The following KCNK12 variants were observed in gnomAD, a reference collection of about 807,000 sequenced individuals.
KCNK12 encodes the protein potassium two pore domain channel subfamily K member 12, also known as potassium channel subfamily K member 12.
Under a neutral mutation model 25.3 loss-of-function variants are expected in KCNK12, and 6 were observed. The observed-to-expected ratio is 0.24, with a 90% CI of 0.13 to 0.47. The LOEUF is 0.47. KCNK12 is among the 20% of genes least tolerant of loss of function. KCNK12 has a pLI of 0.99. For missense variants in KCNK12, 444 were observed against 661.7 expected, an observed-to-expected ratio of 0.67 and a Z score of 3.61; for synonymous variants, 331 against 311.1, an observed-to-expected ratio of 1.06 and a Z score of -0.67.
At chr2:47,542,542 C>A (rs1288157734) in intron 1 of KCNK12, among the ~76,000 whole-genome samples, 2 of 152,234 alleles carry the variant, frequency 1.3e-5, no homozygotes, top group African/African-American at 2.4e-5. Context: ...AGGGGAAGGT[C>A]TCTGGGGTGG....
At chr2:47,561,078 A>G (rs949967878) in intron 1 of KCNK12, among the ~76,000 whole-genome samples, 3 of 152,184 alleles carry the variant, frequency 2.0e-5, no homozygotes, top group Admixed American at 6.5e-5. Context: ...CCCACCTCAG[A>G]GAAGTGTGGC....
intron 1 of KCNK12, among the ~76,000 whole-genome samples, chr2:47,531,852 C>G (rs970891488): frequency 6.6e-6 from 1 of 152,164 alleles, no homozygotes; most frequent in Non-Finnish European, 1.5e-5. Context: ...GTGGGCCAAG[C>G]TGTCACTTCA....
intron 1 of KCNK12, chr2:47,527,913 T>C (rs1318953419): frequency 6.6e-6 from 1 of 152,274 alleles, no homozygotes; most frequent in Non-Finnish European, 1.5e-5. Flanking sequence ...ACCAGACAGA[T>C]GCAGTTCCTG....
At chr2:47,559,415 A>G (rs1272925678) in intron 1 of KCNK12, among the ~76,000 whole-genome samples, 1 of 152,018 alleles carries the variant, frequency 6.6e-6, no homozygotes, top group Non-Finnish European at 1.5e-5. Flanking sequence ...TTTTGTTGTT[A>G]ATTTCCAGCA....
At chr2:47,534,366 A>C (rs1352937105) in intron 1 of KCNK12, among the ~76,000 whole-genome samples, 1 of 151,800 alleles carries the variant, frequency 6.6e-6, no homozygotes, top group African/African-American at 2.4e-5. Context: ...TCTCCTGGGG[A>C]GCAGCTGTCA....
rs898457131 is a variant in KCNK12 at position 47,555,208 on chromosome 2, G to A, written c.391+14733C>T. 1.3e-5 allele frequency among the ~76,000 whole-genome samples: 2 copies of A among 152,346 alleles called. No homozygotes were observed. Among genetic ancestry groups the A allele is most frequent in the Middle Eastern group, 3.4e-3 (1 of 294 alleles). Reference sequence around the variant, plus strand: ...TCATCAATAGATAAATGGGTTTAAAGCCAAAGGGTGTGAGGGGGATCAGAG... The same window carrying A: ...TCATCAATAGATAAATGGGTTTAAAACCAAAGGGTGTGAGGGGGATCAGAG... On this transcript the variant is annotated intron_variant, in intron 1 of 1. Transcript: ENST00000327876. This position sits in a 1 kb window ranked among gnomAD's most constrained non-coding sequence, Gnocchi z 4.5.
chr2:47,540,339 T>A lies in KCNK12; in HGVS notation c.392-18531A>T, dbSNP rs1669170753. Among the ~76,000 whole-genome samples the A allele has an allele frequency of 6.6e-6, 1 of 152,196 alleles. No individual in the cohort carries two copies. Among genetic ancestry groups the A allele is most frequent in the Non-Finnish European group, 1.5e-5 (1 of 68,042 alleles). ...AGGTGTAGTCACTGTGCCAGGGGGC[T>A]GAGTGTCCGGCCTGGGACGTGAGAG... is the stretch of plus-strand genomic sequence containing the variant. On this transcript the variant is annotated intron_variant, in intron 1 of 1. Transcript: ENST00000327876. This position sits in a 1 kb window ranked among gnomAD's most constrained non-coding sequence, Gnocchi z 5.4.
chr2:47,551,211 C>T lies in KCNK12; in HGVS notation c.391+18730G>A, dbSNP rs1334707332. Among the ~76,000 whole-genome samples, 1 of 152,140 alleles carries T rather than the reference C, an allele frequency of 6.6e-6. No individual in the cohort carries two copies. The highest frequency in any genetic ancestry group is 1.9e-4 in the East Asian group (1 of 5,192). ...AGACACACTGGCTTCCTTGCGGCTC[C>T]TCCAGCAAACCCTGCAAGCTCCTCC... On this transcript the variant is annotated intron_variant, in intron 1 of 1. Coordinates refer to ENST00000327876, the MANE Select transcript of KCNK12 (RefSeq NM_022055.2). The surrounding 1 kb of genome is among the most constrained non-coding windows in gnomAD (Gnocchi z 5.3).
At position 47,512,890 on chromosome 2, in the gene KCNK12, C is replaced by T. The variant is rs1321059717; in HGVS notation, c.*8017G>A. On this transcript the variant is annotated 3_prime_UTR_variant, in exon 2 of 2. Coordinates refer to ENST00000327876, the MANE Select transcript of KCNK12 (RefSeq NM_022055.2). ...ACCCTCATTGTCACCCCTCAGAGGT[C>T]CCACTGCAGCTGCATAATGTCCCCT... The T allele has an allele frequency of 1.9e-5, 3 of 156,282 alleles. No individual in the cohort carries two copies. Among genetic ancestry groups the T allele is most frequent in the African/African-American group, 7.2e-5 (3 of 41,474 alleles). 9.7% of individuals were successfully genotyped at this position (156,282 alleles called of 1,614,324 possible).
intron 1 of KCNK12, among the ~76,000 whole-genome samples, chr2:47,553,470 C>A (rs1669483140): frequency 6.6e-6 from 1 of 152,096 alleles, no homozygotes; most frequent in Non-Finnish European, 1.5e-5. Context: ...GTGGTAAGCT[C>A]TTGATAAAGT....
intron 1 of KCNK12, among the ~76,000 whole-genome samples, chr2:47,542,341 G>A (rs1471554538): frequency 6.6e-6 from 1 of 152,236 alleles, no homozygotes; most frequent in Non-Finnish European, 1.5e-5. Flanking sequence ...AGGGACTGGA[G>A]CCTTCGCAAA....
chr2:47,570,364 G>C lies in KCNK12; in HGVS notation c.-33C>G. 1 of 1,220,356 alleles carries C rather than the reference G, an allele frequency of 8.2e-7. No homozygotes were observed. The highest frequency in any genetic ancestry group is 4.4e-5 in the Admixed American group (1 of 22,724). 75.6% of individuals were successfully genotyped at this position (1,220,356 alleles called of 1,614,324 possible). ...AGCTCAGCCCCGGGGCCGGGGCGGC[G>C]CTCGGGGCCCGGGCCACGACATCCC... On this transcript the variant is annotated 5_prime_UTR_variant, in exon 1 of 2. Coordinates refer to ENST00000327876, the MANE Select transcript of KCNK12 (RefSeq NM_022055.2).
In KCNK12 at chr2:47,559,087, C is replaced by A. The variant is rs540752130; in HGVS notation, c.391+10854G>T. Among the ~76,000 whole-genome samples, 3 of 152,342 alleles carry A rather than the reference C, an allele frequency of 2.0e-5. No homozygotes were observed. The East Asian group carries it at 5.8e-4, about 29-fold the overall frequency. On this transcript the variant is annotated intron_variant, in intron 1 of 1. Transcript: ENST00000327876. The stretch of plus-strand genomic sequence containing the variant: ...GAAGCCCCCCTAGTTCAGAACTGAA[C>A]TTTTCCTACTGCTTTCTGAGGGTAA...
intron 1 of KCNK12, among the ~76,000 whole-genome samples, chr2:47,561,190 A>C (rs1057228780): frequency 1.3e-5 from 2 of 152,162 alleles, no homozygotes; most frequent in African/African-American, 4.8e-5. Context: ...ACACCTGGAA[A>C]CAAGGAGGGT....
At position 47,520,008 on chromosome 2, in the gene KCNK12, CAAAT is replaced by C. The variant is rs1200234768; in HGVS notation, c.*895_*898del. On this transcript the variant is annotated 3_prime_UTR_variant, in exon 2 of 2. Coordinates refer to ENST00000327876, the MANE Select transcript of KCNK12 (RefSeq NM_022055.2). The surrounding 1 kb of genome is among the most constrained non-coding windows in gnomAD (Gnocchi z 5.0). Reference sequence around the variant, plus strand: ...TTAAGAAAAAAAAAATCCACACCAACAAATAAATATCTTGTCTGAGAAGACTCAG... The same window carrying C: ...TTAAGAAAAAAAAAATCCACACCAACAAATATCTTGTCTGAGAAGACTCAG... The C allele has an allele frequency of 1.3e-5, 2 of 152,184 alleles. No homozygotes were observed. The highest frequency in any genetic ancestry group is 2.9e-5 in the Non-Finnish European group (2 of 68,036). The allele number at this position is 152,184 out of a possible 1,614,324, so 9.4% of individuals were successfully genotyped here.
At position 47,570,267 on chromosome 2, in the gene KCNK12, C is replaced by T. The variant is rs750316275; in HGVS notation, c.65G>A (p.Cys22Tyr). ...RSRRRLPRPS[C>Y]CCCCCRRSHL... is the part of the protein sequence containing the mutation. ...CGAACGGCGGCAGCAGCAGCAGCAGCAGGAGGGGCGCGGCAGGCGGCGGCG... is the reference window on the plus strand; with the variant it reads ...CGAACGGCGGCAGCAGCAGCAGCAGTAGGAGGGGCGCGGCAGGCGGCGGCG... The change falls in exon 1 of 2, where the codon TGC (cysteine) becomes TAC (tyrosine). Residue 22 changes from cysteine (C) to tyrosine (Y), a missense_variant. This residue lies in a region of KCNK12 where 67 missense variants were observed against 59.2 expected (regional missense o/e 1.13). Transcript: ENST00000327876. The T allele has an allele frequency of 2.8e-5, 40 of 1,415,620 alleles. No individual in the cohort carries two copies. The South Asian group carries it at 4.6e-4, about 16-fold the overall frequency. The allele number at this position is 1,415,620 out of a possible 1,614,324, so 87.7% of individuals were successfully genotyped here. A position where few individuals can be genotyped will look rare whatever the true frequency, so the allele number is the denominator to read the frequency against.
At chr2:47,549,841 G>A (rs1324464196) in intron 1 of KCNK12, among the ~76,000 whole-genome samples, 2 of 152,074 alleles carry the variant, frequency 1.3e-5, no homozygotes, top group African/African-American at 4.8e-5. Context: ...GGCTGAGGCA[G>A]GAGAATTGCT....
chr2:47,570,232 C>T lies in KCNK12; in HGVS notation c.100G>A (p.Glu34Lys), dbSNP rs763922305. The change falls in exon 1 of 2, where the codon GAG becomes AAG. Residue 34 changes from glutamate (E) to lysine (K), a missense_variant. This residue lies in a region of KCNK12 where 67 missense variants were observed against 59.2 expected (regional missense o/e 1.13). Coordinates refer to ENST00000327876, the MANE Select transcript of KCNK12 (RefSeq NM_022055.2). Reference sequence around the variant, plus strand: ...AGCAGCACGAAGCGGCCGGTGTCCTCGTTGAGGTGCGAACGGCGGCAGCAG... The same window carrying T: ...AGCAGCACGAAGCGGCCGGTGTCCTTGTTGAGGTGCGAACGGCGGCAGCAG... ...CCCCRRSHLN[E>K]DTGRFVLLAA... is the part of the protein sequence containing the mutation. 6.1e-6 allele frequency: 9 copies of T among 1,471,894 alleles called. No individual in the cohort carries two copies. Among genetic ancestry groups the T allele is most frequent in the African/African-American group, 4.4e-5 (3 of 68,750 alleles). 91.2% of individuals were successfully genotyped at this position (1,471,894 alleles called of 1,614,324 possible).
chr2:47,516,867 C>G lies in KCNK12; in HGVS notation c.*4040G>C, dbSNP rs916136248. 1.3e-5 allele frequency: 2 copies of G among 152,162 alleles called. No homozygotes were observed. The highest frequency in any genetic ancestry group is 2.4e-5 in the African/African-American group (1 of 41,416). The allele number at this position is 152,162 out of a possible 1,614,324, so 9.4% of individuals were successfully genotyped here. A position where few individuals can be genotyped will look rare whatever the true frequency, so the allele number is the denominator to read the frequency against. Reference sequence around the variant, plus strand: ...GTGTAGCAATTGTGCTCTGGGGTGCCTGAAAGTGCCAGAGCTGCTTCAGGG... The same window carrying G: ...GTGTAGCAATTGTGCTCTGGGGTGCGTGAAAGTGCCAGAGCTGCTTCAGGG... On this transcript the variant is annotated 3_prime_UTR_variant, in exon 2 of 2. Coordinates refer to ENST00000327876, the MANE Select transcript of KCNK12 (RefSeq NM_022055.2).
Sources: allele counts gnomAD v4.1 joint callset (sites outside exome capture counted in the v4.1 genomes callset), GRCh38; gene constraint gnomAD v4.1.1; regional missense constraint gnomAD v4.1.1; non-coding constraint Gnocchi (gnomAD v3.1); transcripts MANE v1.5; gene names NCBI Gene and HGNC (gene_info 2026-07-23, HGNC 2026-07-21).